The following ZPBP variants were observed in gnomAD, a reference collection of about 807,000 sequenced individuals.
ZPBP encodes the protein zona pellucida binding protein.
ZPBP carries 26 observed loss-of-function variants against 44.8 expected under a neutral mutation model. The observed-to-expected ratio is 0.58, with a 90% CI of 0.43 to 0.81. The LOEUF is 0.81. Ranked by LOEUF, ZPBP falls within the 30% of genes least tolerant of loss-of-function variation. The probability of loss-of-function intolerance (pLI) is 0.00; values close to 1 mark genes in which losing one functional copy is unlikely to be tolerated. For synonymous variants in ZPBP, 174 were observed against 153.2 expected, an observed-to-expected ratio of 1.14 and a Z score of -1.00; for missense variants, 409 against 434.0, an observed-to-expected ratio of 0.94 and a Z score of 0.51.
intron 6 of ZPBP, among the ~76,000 whole-genome samples, chr7:50,015,627 C>G (rs1798786449): frequency 6.6e-6 from 1 of 152,056 alleles, no homozygotes; most frequent in Admixed American, 6.6e-5. Flanking sequence ...AGAAAACCTA[C>G]AGAATGGGAG....
intron 7 of ZPBP, among the ~76,000 whole-genome samples, chr7:49,944,868 A>G (rs983451562): frequency 6.8e-6 from 1 of 148,116 alleles, no homozygotes; most frequent in Non-Finnish European, 1.5e-5. Flanking sequence ...TTCTGCTCTG[A>G]TCTTTATTCC....
intron 4 of ZPBP, among the ~76,000 whole-genome samples, chr7:50,049,025 T>G (rs59661337): frequency 0.014 from 2,083 of 151,866 alleles, 56 homozygotes; most frequent in African/African-American, 0.048. Flanking sequence ...ATAAAAGAAT[T>G]ACAAAGGAAT....
At chr7:49,944,265 G>T in intron 7 of ZPBP, 1 of 356,198 alleles carries the variant, frequency 2.8e-6, no homozygotes, top group Non-Finnish European at 5.4e-6. Context: ...TATTCCAGGG[G>T]CTTAATGATC....
At chr7:50,088,222 C>A (rs947556368) in intron 2 of ZPBP, among the ~76,000 whole-genome samples, 9 of 151,940 alleles carry the variant, frequency 5.9e-5, no homozygotes, top group Non-Finnish European at 1.5e-5. Flanking sequence ...ACTCGATAGC[C>A]ATGTGCTAAA....
At chr7:49,999,237 T>G (rs975225244) in intron 6 of ZPBP, among the ~76,000 whole-genome samples, 2 of 144,422 alleles carry the variant, frequency 1.4e-5, no homozygotes, top group African/African-American at 2.6e-5. Flanking sequence ...TGCATGTGTG[T>G]GTGTCTGTAT....
At chr7:49,926,458 T>C (rs1794236482) in intron 1 of ZPBP, among the ~76,000 whole-genome samples, 1 of 152,228 alleles carries the variant, frequency 6.6e-6, no homozygotes, top group African/African-American at 2.4e-5. Flanking sequence ...TCATTCCTTT[T>C]CAAAGCATCT....
chr7:50,008,686 C>G (rs889898054), intron 6 of ZPBP, among the ~76,000 whole-genome samples: 9 of 152,006 alleles, frequency 5.9e-5, no homozygotes, highest in Admixed American at 5.9e-4. Flanking sequence ...ACCAATGGAA[C>G]AGAATACAGA....
chr7:50,024,849 G>A (rs1166236468), intron 5 of ZPBP, among the ~76,000 whole-genome samples: 2 of 151,848 alleles, frequency 1.3e-5, no homozygotes, highest in South Asian at 4.2e-4. Flanking sequence ...TCTTACCATG[G>A]GGTGGAGGGG....
intron 2 of ZPBP, among the ~76,000 whole-genome samples, chr7:49,873,857 G>T (rs566873344): frequency 3.5e-4 from 53 of 150,942 alleles, no homozygotes; most frequent in African/African-American, 1.3e-3. Context: ...CTACTACACA[G>T]CATTTATATT....
chr7:49,968,508 G>A (rs1483083), intron 7 of ZPBP, among the ~76,000 whole-genome samples: 113,778 of 151,932 alleles, frequency 0.75, 42,839 homozygotes, highest in East Asian at 0.89. Flanking sequence ...AAGATATCAA[G>A]ACATATGGAG....
chr7:49,979,824 C>CATATATAT (rs56222305), intron 7 of ZPBP, among the ~76,000 whole-genome samples: 41 of 112,410 alleles, frequency 3.6e-4, no homozygotes, highest in Admixed American at 7.5e-4. Flanking sequence ...TGGAGTTATA[C>CATATATAT]ATATATATAT....
intron 6 of ZPBP, among the ~76,000 whole-genome samples, chr7:49,990,620 G>GC (rs994943414): frequency 1.7e-4 from 6 of 35,886 alleles, no homozygotes; most frequent in East Asian, 2.0e-3. Context: ...AAGTATATAT[G>GC]GGGGGGGACT....
intron 7 of ZPBP, among the ~76,000 whole-genome samples, chr7:49,963,165 GT>G (rs34672206): frequency 0.75 from 112,867 of 150,770 alleles, 42,488 homozygotes; most frequent in East Asian, 0.89. Flanking sequence ...TATTAGGATG[GT>G]TTTTTTTAAT....
chr7:50,025,928 A>G (rs1453118940), intron 5 of ZPBP, among the ~76,000 whole-genome samples: 1 of 151,942 alleles, frequency 6.6e-6, no homozygotes, highest in Non-Finnish European at 1.5e-5. Context: ...ATTAAAAGGC[A>G]GAAGTGGACA....
At position 50,035,367 on chromosome 7, in the gene ZPBP, C is replaced by T. The variant is rs759778956; in HGVS notation, c.488-4057G>A. On this transcript the variant is annotated intron_variant, in intron 4 of 7. Coordinates refer to ENST00000046087, the MANE Select transcript of ZPBP (RefSeq NM_007009.3). ...CAATTGCCAGCACAGTTCAAGGCCACTGCCTTGCTTTCTACTAAATAGGTG... is the reference window on the plus strand; with the variant it reads ...CAATTGCCAGCACAGTTCAAGGCCATTGCCTTGCTTTCTACTAAATAGGTG... Among the ~76,000 whole-genome samples, 3 of 152,240 alleles carry T rather than the reference C, an allele frequency of 2.0e-5. No homozygotes were observed. The South Asian group carries it at 6.2e-4, about 32-fold the overall frequency.
intron 7 of ZPBP, chr7:49,943,441 C>A (rs1180927921): frequency 4.6e-6 from 2 of 433,558 alleles, no homozygotes; most frequent in Non-Finnish European, 8.9e-6. Flanking sequence ...TTTCTTGGAA[C>A]ACTATGTTTA....
chr7:50,039,802 G>C (rs1247007520), intron 4 of ZPBP, among the ~76,000 whole-genome samples: 1 of 152,052 alleles, frequency 6.6e-6, no homozygotes, highest in East Asian at 1.9e-4. Flanking sequence ...ACAAGGTATT[G>C]TTTAGTTTGT....
At chr7:49,873,557 T>C (rs747783138) in intron 2 of ZPBP, among the ~76,000 whole-genome samples, 63 of 152,192 alleles carry the variant, frequency 4.1e-4, no homozygotes, top group Non-Finnish European at 7.2e-4. Context: ...AAAGAAATGA[T>C]GGTGCACACA....
At chr7:50,073,401 A>T (rs1322437333) in intron 3 of ZPBP, among the ~76,000 whole-genome samples, 1 of 152,128 alleles carries the variant, frequency 6.6e-6, no homozygotes, top group African/African-American at 2.4e-5. Context: ...ATTCCAGAAG[A>T]TCTAGAAAAT....
Sources: allele counts gnomAD v4.1 joint callset (sites outside exome capture counted in the v4.1 genomes callset), GRCh38; gene constraint gnomAD v4.1.1; transcripts MANE v1.5; gene names NCBI Gene and HGNC (gene_info 2026-07-23, HGNC 2026-07-21).